PTPRD: variants seen among roughly 807,000 people sequenced by gnomAD.
PTPRD encodes receptor-type tyrosine-protein phosphatase delta.
In PTPRD, 34 loss-of-function variants were observed where a neutral mutation model predicts 214.5. The observed-to-expected ratio is 0.16, with a 90% CI of 0.12 to 0.21. PTPRD has a LOEUF of 0.21. Among genes scored for constraint, PTPRD ranks in the 10% least tolerant of loss-of-function variants. The pLI, the probability that PTPRD is intolerant of heterozygous loss-of-function variation, is 1.00. For synonymous variants in PTPRD, 1,128 were observed against 845.7 expected, an observed-to-expected ratio of 1.33 and a Z score of -5.79; for missense variants, 2,545 against 2,398.7, an observed-to-expected ratio of 1.06 and a Z score of -1.27.
chr9:8,934,603 A>T (rs367698584), intron 11 of PTPRD, among the ~76,000 whole-genome samples: 4 of 143,526 alleles, frequency 2.8e-5, no homozygotes, highest in East Asian at 2.0e-4. Flanking sequence ...TAATATATCC[A>T]TTACCTCACA....
At chr9:9,529,222 A>G (rs186674525) in intron 8 of PTPRD, among the ~76,000 whole-genome samples, 86 of 151,232 alleles carry the variant, frequency 5.7e-4, no homozygotes, top group Non-Finnish European at 1.1e-3. Flanking sequence ...GTGAGCCACC[A>G]CGCCCACCGA....
At chr9:9,166,380 G>C (rs1012495794) in intron 10 of PTPRD, among the ~76,000 whole-genome samples, 29 of 152,036 alleles carry the variant, frequency 1.9e-4, no homozygotes, top group African/African-American at 6.0e-4. Flanking sequence ...CATCCACAGA[G>C]AGCTCTCTTC....
chr9:8,933,339 G>GTTTTTTTTTTTTTTTTTT (rs1567089304), intron 11 of PTPRD, among the ~76,000 whole-genome samples: 10 of 68,796 alleles, frequency 1.5e-4, no homozygotes, highest in Non-Finnish European at 1.9e-4. Flanking sequence ...ACAACCTTGA[G>GTTTTTTTTTTTTTTTTTT]GTTTTTTTTT....
chr9:8,952,408 G>C (rs1490014027), intron 11 of PTPRD, among the ~76,000 whole-genome samples: 2 of 151,870 alleles, frequency 1.3e-5, no homozygotes, highest in African/African-American at 4.8e-5. Context: ...TCTTGAATTA[G>C]CAACACAATC....
At chr9:9,235,474 T>C (rs988903554) in intron 9 of PTPRD, among the ~76,000 whole-genome samples, 1 of 152,134 alleles carries the variant, frequency 6.6e-6, no homozygotes, top group East Asian at 1.9e-4. Flanking sequence ...AGTTTTTCTT[T>C]GTGTCTTTCA....
intron 11 of PTPRD, among the ~76,000 whole-genome samples, chr9:8,772,583 T>C (rs2095279279): frequency 1.3e-5 from 2 of 152,100 alleles, no homozygotes; most frequent in East Asian, 1.9e-4. Context: ...TTTGAGGATG[T>C]AGTTAGCTAT....
In PTPRD at chr9:10,269,681, C is replaced by T. The variant is rs915617740; in HGVS notation, c.-545+71282G>A. ...AGTTCAAGATATAGTCCTTTATTAACTGTAACTTTAAAAATTACAACATAA... is the reference window on the plus strand; with the variant it reads ...AGTTCAAGATATAGTCCTTTATTAATTGTAACTTTAAAAATTACAACATAA... On this transcript the variant is annotated intron_variant, in intron 3 of 45. Coordinates refer to ENST00000381196, the MANE Select transcript of PTPRD (RefSeq NM_002839.4). 3.3e-5 allele frequency among the ~76,000 whole-genome samples: 5 copies of T among 152,044 alleles called. No individual in the cohort carries two copies. In the East Asian group the frequency reaches 7.7e-4, roughly 24 times the overall value.
intron 4 of PTPRD, among the ~76,000 whole-genome samples, chr9:10,002,055 G>A (rs2096333055): frequency 6.6e-6 from 1 of 151,828 alleles, no homozygotes. Flanking sequence ...CTACATTGGA[G>A]CAATGTTTCT....
intron 37 of PTPRD, among the ~76,000 whole-genome samples, chr9:8,382,247 G>A (rs1280701394): frequency 6.6e-6 from 1 of 152,166 alleles, no homozygotes; most frequent in Non-Finnish European, 1.5e-5. Context: ...CAGACATTCT[G>A]CTGATAAAGA....
At chr9:10,254,768 G>T (rs561967839) in intron 3 of PTPRD, among the ~76,000 whole-genome samples, 140 of 152,206 alleles carry the variant, frequency 9.2e-4, no homozygotes, top group African/African-American at 3.3e-3. Context: ...GGGTCACAAA[G>T]ACTCAAATGT....
At chr9:10,270,853 A>T (rs999247590) in intron 3 of PTPRD, among the ~76,000 whole-genome samples, 1 of 151,838 alleles carries the variant, frequency 6.6e-6, no homozygotes, top group Non-Finnish European at 1.5e-5. Context: ...TATTTTACTT[A>T]TTTTTTTATG....
intron 2 of PTPRD, among the ~76,000 whole-genome samples, chr9:10,514,107 G>A (rs909286826): frequency 6.6e-6 from 1 of 151,828 alleles, no homozygotes; most frequent in African/African-American, 2.4e-5. Context: ...TATTCATATG[G>A]AACAAGTGAG....
chr9:9,077,650 C>A (rs904644146), intron 10 of PTPRD, among the ~76,000 whole-genome samples: 4 of 152,008 alleles, frequency 2.6e-5, no homozygotes, highest in African/African-American at 9.7e-5. Flanking sequence ...ATACTTATAG[C>A]TTAATGCACC....
At chr9:8,360,149 T>A (rs2078111040) in intron 39 of PTPRD, among the ~76,000 whole-genome samples, 1 of 152,238 alleles carries the variant, frequency 6.6e-6, no homozygotes, top group African/African-American at 2.4e-5. Flanking sequence ...AAAACCAAGT[T>A]AATTACTTTG....
At chr9:10,279,967 C>T (rs561767373) in intron 3 of PTPRD, among the ~76,000 whole-genome samples, 2 of 152,296 alleles carry the variant, frequency 1.3e-5, no homozygotes, top group African/African-American at 4.8e-5. Context: ...CATCCTAAAT[C>T]TTCAGTTTTT....
chr9:10,278,709 C>T (rs1030303156), intron 3 of PTPRD, among the ~76,000 whole-genome samples: 7 of 151,804 alleles, frequency 4.6e-5, no homozygotes, highest in South Asian at 2.1e-4. Context: ...TATGCCAATC[C>T]GTAAGTTTGA....
intron 12 of PTPRD, among the ~76,000 whole-genome samples, chr9:8,729,994 C>T (rs7858090): frequency 0.066 from 10,090 of 152,238 alleles, 1,032 homozygotes; most frequent in African/African-American, 0.22. Flanking sequence ...TGGTGGCTCA[C>T]GCCTGTAATC....
intron 10 of PTPRD, among the ~76,000 whole-genome samples, chr9:9,094,517 G>A (rs569435554): frequency 4.6e-5 from 7 of 152,176 alleles, no homozygotes; most frequent in South Asian, 4.2e-4. Context: ...GGGGACTTAC[G>A]GTTGGGGGAA....
At chr9:9,830,111 A>G (rs1053373504) in intron 5 of PTPRD, among the ~76,000 whole-genome samples, 1 of 151,676 alleles carries the variant, frequency 6.6e-6, no homozygotes, top group East Asian at 1.9e-4. Flanking sequence ...TTATAATTTT[A>G]TTTTAAAAAT....
Sources: allele counts gnomAD v4.1 joint callset (sites outside exome capture counted in the v4.1 genomes callset), GRCh38; gene constraint gnomAD v4.1.1; transcripts MANE v1.5; gene names NCBI Gene and HGNC (gene_info 2026-07-23, HGNC 2026-07-21).